The following CLEC4A variants were observed in gnomAD, a reference collection of about 807,000 sequenced individuals.
The protein encoded by CLEC4A is C-type lectin domain family 4 member A, also known as C-type (calcium dependent, carbohydrate-recognition domain) lectin, superfamily member 6.
In CLEC4A, 27 loss-of-function variants were observed where a neutral mutation model predicts 32.7. That is an observed-to-expected ratio of 0.83 (90% confidence interval 0.61 to 1.14). The LOEUF is 1.14. Among genes scored for constraint, CLEC4A ranks in the 50% most tolerant of loss-of-function variants. The pLI is 0.00. For synonymous variants in CLEC4A, 89 were observed against 93.7 expected (o/e 0.95, Z 0.29); for missense variants, 253 against 274.6 (o/e 0.92, Z 0.55).
At chr12:8,114,930 T>C in the CLEC4A span, among the ~76,000 whole-genome samples, 1 of 152,226 alleles carries the variant, frequency 6.6e-6, no homozygotes, top group Admixed American at 6.5e-5. Context: ...TTCTCAAGAA[T>C]AGACCAATTA....
intron 2 of CLEC4A, among the ~76,000 whole-genome samples, chr12:8,126,839 T>C (rs908850318): frequency 6.6e-6 from 1 of 152,168 alleles, no homozygotes; most frequent in East Asian, 1.9e-4. Context: ...AGCATGGAAT[T>C]TGGGGAAACG....
In CLEC4A at chr12:8,135,032, TAACAA is replaced by T. The variant is rs1258501002; in HGVS notation, c.299-552_299-548del. ...CTTTTAAATCTTTGTCAGATAATTC[TAACAA>T]TTTTATTATCTTTTTTTTTTTTTTT... On this transcript the variant is annotated intron_variant, in intron 3 of 5. Coordinates refer to ENST00000229332, the MANE Select transcript of CLEC4A (RefSeq NM_016184.4). 1.7e-3 allele frequency among the ~76,000 whole-genome samples: 186 copies of T among 111,890 alleles called. 2 individuals carry two copies. Among genetic ancestry groups the T allele is most frequent in the Non-Finnish European group, 2.1e-3 (112 of 54,478 alleles). The allele number at this position is 111,890 out of a possible 152,430, so 73.4% of individuals were successfully genotyped here. A position where few individuals can be genotyped will look rare whatever the true frequency, so the allele number is the denominator to read the frequency against.
the CLEC4A span, among the ~76,000 whole-genome samples, chr12:8,113,316 A>G: frequency 1.3e-5 from 2 of 152,028 alleles, no homozygotes; most frequent in Non-Finnish European, 2.9e-5. Context: ...TTATGGCTGC[A>G]TAGTATTCCA....
At chr12:8,107,606 G>A in the CLEC4A span, among the ~76,000 whole-genome samples, 7 of 151,994 alleles carry the variant, frequency 4.6e-5, no homozygotes. Context: ...GTCAATCTTG[G>A]GAGGTTGCAT....
rs375780871 is a variant in CLEC4A, at chr12:8,137,055, C to T, written c.566+152C>T. 7.9e-5 allele frequency: 39 copies of T among 492,270 alleles called. No homozygotes were observed. In the Middle Eastern group the frequency reaches 9.6e-4, roughly 12 times the overall value. The allele number at this position is 492,270 out of a possible 1,614,324, so 30.5% of individuals were successfully genotyped here. ...TAATTTCATTATCTCATTTAATCTG[C>T]GCAAGAACCCTATGAGGCACACATT... On this transcript the variant is annotated intron_variant, in intron 5 of 5. Transcript: ENST00000229332.
chr12:8,112,786 A>G, the CLEC4A span, among the ~76,000 whole-genome samples: 1 of 152,138 alleles, frequency 6.6e-6, no homozygotes, highest in East Asian at 1.9e-4. Flanking sequence ...AGTCTCCTTT[A>G]TATCCTAAGT....
chr12:8,110,897 G>A, the CLEC4A span, among the ~76,000 whole-genome samples: 5 of 150,096 alleles, frequency 3.3e-5, no homozygotes, highest in South Asian at 2.1e-4. Context: ...TTTTTGAGAC[G>A]GAGTCTCGCT....
chr12:8,111,754 C>A, the CLEC4A span, among the ~76,000 whole-genome samples: 2 of 152,006 alleles, frequency 1.3e-5, no homozygotes, highest in African/African-American at 4.8e-5. Context: ...CTAAATTTTA[C>A]ACTGAACATC....
At chr12:8,103,623 G>A in the CLEC4A span, among the ~76,000 whole-genome samples, 2 of 152,084 alleles carry the variant, frequency 1.3e-5, no homozygotes, top group Non-Finnish European at 1.5e-5. Flanking sequence ...CTGACCTCAT[G>A]ATCCCTCTGC....
intron 5 of CLEC4A, among the ~76,000 whole-genome samples, chr12:8,137,758 G>A (rs984465054): frequency 6.6e-6 from 1 of 152,008 alleles, no homozygotes; most frequent in Non-Finnish European, 1.5e-5. Flanking sequence ...TTTAAAAACA[G>A]TGCATTAAAA....
In CLEC4A at chr12:8,127,954, G is replaced by C. The variant is rs751469324; in HGVS notation, c.200-1310G>C. Reference sequence around the variant, plus strand: ...TATATGGCTGTGAGAACCTCAAATGGATGTGTCTACTGGGAGACACATTTG... The same window carrying C: ...TATATGGCTGTGAGAACCTCAAATGCATGTGTCTACTGGGAGACACATTTG... On this transcript the variant is annotated intron_variant, in intron 2 of 5. Transcript: ENST00000229332. Among the ~76,000 whole-genome samples the C allele has an allele frequency of 2.0e-5, 3 of 152,338 alleles. No homozygotes were observed. In the South Asian group the frequency reaches 6.2e-4, roughly 32 times the overall value.
chr12:8,135,045 ATCT>A (rs1948087587), intron 3 of CLEC4A, among the ~76,000 whole-genome samples: 1 of 4,968 alleles, frequency 2.0e-4, no homozygotes, highest in African/African-American at 4.5e-4. Flanking sequence ...CAATTTTATT[ATCT>A]TTTTTTTTTT....
the CLEC4A span, among the ~76,000 whole-genome samples, chr12:8,104,807 C>T: frequency 3.9e-5 from 6 of 152,264 alleles, no homozygotes; most frequent in South Asian, 2.1e-4. Context: ...ATCTCATTCA[C>T]ACGTGAGAAC....
At chr12:8,125,395 A>G (rs959379075) in intron 1 of CLEC4A, among the ~76,000 whole-genome samples, 166 bp from the exon 2 acceptor site, 1 of 152,228 alleles carries the variant, frequency 6.6e-6, no homozygotes, top group African/African-American at 2.4e-5. Flanking sequence ...AAGTTTCTAC[A>G]GTGAATATTA....
rs116459814 is a variant in CLEC4A at position 8,130,481 on chromosome 12, C to T, written c.298+1119C>T. Among the ~76,000 whole-genome samples the T allele has an allele frequency of 7.3e-3, 1,109 of 152,222 alleles. 19 individuals are homozygous for T. Among genetic ancestry groups the T allele is most frequent in the African/African-American group, 0.025 (1,052 of 41,520 alleles). On this transcript the variant is annotated intron_variant, in intron 3 of 5. Transcript: ENST00000229332. Reference sequence around the variant, plus strand: ...TTGATCTCCTGGGTTCCAAGTAATCCTCCACCTCAGCCTCCCAGTAGCTGG... The same window carrying T: ...TTGATCTCCTGGGTTCCAAGTAATCTTCCACCTCAGCCTCCCAGTAGCTGG...
At chr12:8,115,997 C>T in the CLEC4A span, among the ~76,000 whole-genome samples, 3,488 of 152,120 alleles carry the variant, frequency 0.023, 38 homozygotes, top group Middle Eastern at 0.044. Flanking sequence ...GGGTCTCACT[C>T]TGTCACCCAG....
At chr12:8,130,233 G>A (rs750896690) in intron 3 of CLEC4A, among the ~76,000 whole-genome samples, 4 of 152,170 alleles carry the variant, frequency 2.6e-5, no homozygotes, top group South Asian at 4.1e-4. Flanking sequence ...AGACTTCTTC[G>A]ACCTTTGCTT....
At position 8,124,450 on chromosome 12, in the gene CLEC4A, T is replaced by G. The variant is rs142304288; in HGVS notation, c.82+490T>G. 1.1e-3 allele frequency among the ~76,000 whole-genome samples: 160 copies of G among 152,300 alleles called. 2 individuals are homozygous for G. Among genetic ancestry groups the G allele is most frequent in the African/African-American group, 3.7e-3 (153 of 41,566 alleles). Reference sequence around the variant, plus strand: ...AAATGTAACAAAAGGCCTTTGCAAATGAAAGACTAGAAAGTCTACAAAGAA... The same window carrying G: ...AAATGTAACAAAAGGCCTTTGCAAAGGAAAGACTAGAAAGTCTACAAAGAA... On this transcript the variant is annotated intron_variant, in intron 1 of 5. Coordinates refer to ENST00000229332, the MANE Select transcript of CLEC4A (RefSeq NM_016184.4).
chr12:8,134,740 A>G (rs1336560709), intron 3 of CLEC4A: 14 of 1,562,180 alleles, frequency 9.0e-6, no homozygotes, highest in Non-Finnish European at 1.1e-5. Flanking sequence ...GGGCCTTGGA[A>G]GCTTAGCCAG....
Sources: gnomAD v4.1 joint callset for allele counts (sites outside exome capture counted in the v4.1 genomes callset) on GRCh38, gnomAD v4.1.1 for gene constraint, MANE v1.5 for transcripts, NCBI Gene and HGNC (gene_info 2026-07-23, HGNC 2026-07-21) for gene names.